LRRC7: variants seen among roughly 807,000 people sequenced by gnomAD.
LRRC7 encodes the protein leucine rich repeat containing 7, also known as leucine-rich repeat-containing protein 7.
LRRC7 carries 23 observed loss-of-function variants against 175.7 expected under a neutral mutation model. The observed-to-expected ratio is 0.13, with a 90% CI of 0.09 to 0.19. The LOEUF (loss-of-function observed/expected upper bound fraction) is 0.19, where lower values mean the gene tolerates loss of function less well. Among genes scored for constraint, LRRC7 ranks in the 10% least tolerant of loss-of-function variants. LRRC7 has a pLI of 1.00. For missense variants in LRRC7, 1,354 were observed against 1,904.7 expected, an observed-to-expected ratio of 0.71 and a Z score of 5.38; for synonymous variants, 685 against 680.9, an observed-to-expected ratio of 1.01 and a Z score of -0.09.
chr1:69,878,280 A>G (rs909753854), intron 7 of LRRC7, among the ~76,000 whole-genome samples: 54 of 151,172 alleles, frequency 3.6e-4, no homozygotes, highest in African/African-American at 1.3e-3. Context: ...ATCTTAGAAA[A>G]AAAAAAAAAA....
At chr1:70,016,438 G>C in intron 13 of LRRC7, 27 bp from the exon 14 acceptor site, 1 of 1,493,604 alleles carries the variant, frequency 6.7e-7, no homozygotes, top group Non-Finnish European at 9.1e-7. Flanking sequence ...CTTTACCCAT[G>C]CTATTAGACT....
intron 7 of LRRC7, among the ~76,000 whole-genome samples, chr1:69,840,429 T>C (rs1329391356): frequency 6.6e-6 from 1 of 152,052 alleles, no homozygotes; most frequent in African/African-American, 2.4e-5. Flanking sequence ...CAATAACTAT[T>C]CTGAGAAGAG....
chr1:70,137,251 AC>A lies in LRRC7; in HGVS notation c.*15367del, dbSNP rs950628306. On this transcript the variant is annotated 3_prime_UTR_variant, in exon 27 of 27. Transcript: ENST00000651989. ...CTTGACTCTGTCTTTCCAAGGAGTAACCCTTTTGGGTCAAAGTCAGAGGGGG... is the reference window on the plus strand; with the variant it reads ...CTTGACTCTGTCTTTCCAAGGAGTAACCTTTTGGGTCAAAGTCAGAGGGGG... Among the ~76,000 whole-genome samples, 2 of 152,092 alleles carry A rather than the reference AC, an allele frequency of 1.3e-5. No homozygotes were observed. Among genetic ancestry groups the A allele is most frequent in the East Asian group, 1.9e-4 (1 of 5,180 alleles).
intron 4 of LRRC7, among the ~76,000 whole-genome samples, chr1:69,793,785 G>C (rs532801377): frequency 1.3e-5 from 2 of 151,844 alleles, no homozygotes; most frequent in Non-Finnish European, 2.9e-5. Context: ...CTAAAACAGC[G>C]TGTGTCACAT....
intron 7 of LRRC7, among the ~76,000 whole-genome samples, chr1:69,900,952 C>A (rs1362980389): frequency 6.6e-6 from 1 of 152,146 alleles, no homozygotes; most frequent in African/African-American, 2.4e-5. Flanking sequence ...CTGTAAATTA[C>A]AATGTATACA....
At chr1:69,620,904 T>C (rs1650461813) in intron 1 of LRRC7, among the ~76,000 whole-genome samples, 1 of 152,202 alleles carries the variant, frequency 6.6e-6, no homozygotes. Flanking sequence ...GTAGTTTTGT[T>C]ATCCCTGTTT....
intron 7 of LRRC7, among the ~76,000 whole-genome samples, chr1:69,928,031 C>A (rs1647143476): frequency 6.6e-6 from 1 of 152,192 alleles, no homozygotes; most frequent in African/African-American, 2.4e-5. Flanking sequence ...CAGACAGGAC[C>A]CTCAGCTGCA....
intron 10 of LRRC7, among the ~76,000 whole-genome samples, chr1:69,993,602 G>GA (rs1394656259): frequency 0.015 from 2,332 of 152,154 alleles, 57 homozygotes; most frequent in African/African-American, 0.052. Flanking sequence ...TATGTTAAAA[G>GA]CTCCTAGACA....
At chr1:69,645,183 A>G (rs1305639359) in intron 1 of LRRC7, among the ~76,000 whole-genome samples, 1 of 151,986 alleles carries the variant, frequency 6.6e-6, no homozygotes, top group Non-Finnish European at 1.5e-5. Flanking sequence ...TTCACAGATG[A>G]CATAATTAAT....
At chr1:69,572,572 A>C (rs1645781370) in intron 1 of LRRC7, among the ~76,000 whole-genome samples, 1 of 152,128 alleles carries the variant, frequency 6.6e-6, no homozygotes, top group Non-Finnish European at 1.5e-5. Context: ...TATTTATGTG[A>C]CTCAGGTTTG....
intron 14 of LRRC7, among the ~76,000 whole-genome samples, chr1:70,017,548 T>C (rs1657074397): frequency 6.6e-6 from 1 of 152,158 alleles, no homozygotes; most frequent in Non-Finnish European, 1.5e-5. Flanking sequence ...CAAATATGAA[T>C]GGCTAAATGA....
chr1:70,137,263 C>G lies in LRRC7; in HGVS notation c.*15376C>G, dbSNP rs1252145336. Among the ~76,000 whole-genome samples the G allele has an allele frequency of 6.6e-6, 1 of 152,094 alleles. No homozygotes were observed. The highest frequency in any genetic ancestry group is 1.5e-5 in the Non-Finnish European group (1 of 68,022). On this transcript the variant is annotated 3_prime_UTR_variant, in exon 27 of 27. Transcript: ENST00000651989. The stretch of plus-strand genomic sequence containing the variant: ...TTTCCAAGGAGTAACCCTTTTGGGT[C>G]AAAGTCAGAGGGGGCTTGCTGGAAT...
chr1:70,003,449 T>A (rs1655718263), intron 11 of LRRC7, among the ~76,000 whole-genome samples: 1 of 152,170 alleles, frequency 6.6e-6, no homozygotes, highest in Admixed American at 6.6e-5. Context: ...CTGTTTTGAA[T>A]CATAGCAGTT....
At chr1:70,097,787 G>T (rs1332273348) in intron 25 of LRRC7, among the ~76,000 whole-genome samples, 3 of 151,460 alleles carry the variant, frequency 2.0e-5, no homozygotes, top group Admixed American at 2.0e-4. Flanking sequence ...CAAAGGACAT[G>T]AACTCATCAT....
intron 3 of LRRC7, among the ~76,000 whole-genome samples, chr1:69,777,970 C>CT (rs1366682158): frequency 2.0e-5 from 3 of 152,154 alleles, no homozygotes; most frequent in Non-Finnish European, 4.4e-5. Flanking sequence ...AACCATGCAG[C>CT]TTAGCATGGA....
rs1278114497 is a variant in LRRC7, at chr1:70,134,882, G to A, written c.*12995G>A. ...CACCCATTTTAAAGCAAATACGGCA[G>A]GTGTCCACCATTGTTTTGGATACAG... On this transcript the variant is annotated 3_prime_UTR_variant, in exon 27 of 27. Coordinates refer to ENST00000651989, the MANE Select transcript of LRRC7 (RefSeq NM_001370785.2). Among the ~76,000 whole-genome samples the A allele has an allele frequency of 6.6e-6, 1 of 152,092 alleles. No homozygotes were observed. The highest frequency in any genetic ancestry group is 1.5e-5 in the Non-Finnish European group (1 of 68,010).
intron 1 of LRRC7, among the ~76,000 whole-genome samples, chr1:69,578,965 G>T (rs1646083055): frequency 6.6e-6 from 1 of 151,316 alleles, no homozygotes; most frequent in South Asian, 2.1e-4. Flanking sequence ...AAAATAAAAA[G>T]AAATGCATGG....
chr1:69,792,022 A>T, intron 3 of LRRC7, 21 bp from the exon 4 acceptor site: 1 of 1,405,204 alleles, frequency 7.1e-7, no homozygotes, highest in Non-Finnish European at 1.0e-6. Context: ...AGATCTAATT[A>T]ATGATTATTT....
chr1:69,892,561 A>G (rs868824266), intron 7 of LRRC7, among the ~76,000 whole-genome samples: 1 of 152,180 alleles, frequency 6.6e-6, no homozygotes, highest in Non-Finnish European at 1.5e-5. Context: ...TTACGACTCA[A>G]ACTGTCATCC....
Sources: allele counts gnomAD v4.1 joint callset (sites outside exome capture counted in the v4.1 genomes callset), GRCh38; gene constraint gnomAD v4.1.1; transcripts MANE v1.5; gene names NCBI Gene and HGNC (gene_info 2026-07-23, HGNC 2026-07-21).